Variants in HP1BP3 observed in about 807,000 individuals in gnomAD.
The protein encoded by HP1BP3 is heterochromatin protein 1 binding protein 3.
A neutral mutation model predicts 62.5 loss-of-function variants in HP1BP3; 12 were observed. The ratio of observed to expected loss-of-function variants is 0.19; its 90% CI spans 0.12 to 0.31. The LOEUF (loss-of-function observed/expected upper bound fraction) is 0.31, where lower values mean the gene tolerates loss of function less well. Ranked by LOEUF, HP1BP3 falls within the 10% of genes least tolerant of loss-of-function variation. The probability of loss-of-function intolerance (pLI) is 1.00; values close to 1 mark genes in which losing one functional copy is unlikely to be tolerated. For synonymous variants in HP1BP3, 260 were observed against 237.8 expected (o/e 1.09, Z -0.86); for missense variants, 502 against 651.8 (o/e 0.77, Z 2.50).
intron 8 of HP1BP3, among the ~76,000 whole-genome samples, chr1:20,759,524 G>C (rs2056334249): frequency 6.6e-6 from 1 of 152,212 alleles, no homozygotes; most frequent in South Asian, 2.1e-4. Context: ...TCTGTCATGT[G>C]AGGATACAAT....
At chr1:20,787,011 A>G (rs1220164746) in intron 1 of HP1BP3, among the ~76,000 whole-genome samples, 184 bp downstream of exon 1, 1 of 151,732 alleles carries the variant, frequency 6.6e-6, no homozygotes, top group African/African-American at 2.4e-5. Context: ...AGGAGAGAGG[A>G]AGGGAGCGGG....
chr1:20,768,844 C>G (rs12738072), intron 6 of HP1BP3, among the ~76,000 whole-genome samples: 4,256 of 152,168 alleles, frequency 0.028, 89 homozygotes, highest in Middle Eastern at 0.048. Flanking sequence ...AAAGTTGATT[C>G]ACAATAACTA....
At chr1:20,780,583 A>G (rs1376130174) in intron 1 of HP1BP3, 43 bp from the exon 2 acceptor site, 1 of 611,738 alleles carries the variant, frequency 1.6e-6, no homozygotes. Flanking sequence ...AACAGAAACA[A>G]AACTAAACTA....
At chr1:20,778,194 C>T (rs1298420869) in intron 3 of HP1BP3, among the ~76,000 whole-genome samples, 1 of 152,082 alleles carries the variant, frequency 6.6e-6, no homozygotes, top group Non-Finnish European at 1.5e-5. Context: ...AATAACTGCT[C>T]AAGAGTTATG....
rs780791061 is a variant in HP1BP3, at chr1:20,757,151, C to T, written c.981+15G>A. ...TAAGAAGCACTTCTCCACAACCAGG[C>T]CTCTGATCTCTAACCTGGAATGTCC... is the stretch of plus-strand genomic sequence containing the variant. On this transcript the variant is annotated intron_variant, in intron 9 of 12. Coordinates refer to ENST00000438032, the MANE Select transcript of HP1BP3 (RefSeq NM_001372052.1). 9 of 1,564,310 alleles carry T rather than the reference C, an allele frequency of 5.8e-6. No individual in the cohort carries two copies. The highest frequency in any genetic ancestry group is 1.4e-5 in the African/African-American group (1 of 73,446).
At chr1:20,767,340 A>G (rs1036411567) in intron 7 of HP1BP3, among the ~76,000 whole-genome samples, 7 of 152,222 alleles carry the variant, frequency 4.6e-5, no homozygotes, top group African/African-American at 1.7e-4. Flanking sequence ...TGTAATTTAT[A>G]TAGCTGCCCA....
In HP1BP3 at chr1:20,745,652, C is replaced by G; in HGVS notation, c.1258G>C (p.Gly420Arg). 6.2e-7 allele frequency: 1 copy of G among 1,613,532 alleles called. No individual in the cohort carries two copies. The highest frequency in any genetic ancestry group is 8.5e-7 in the Non-Finnish European group (1 of 1,179,792). The change falls in exon 12 of 13, where the codon GGA becomes CGA. Residue 420 changes from glycine to arginine, a missense_variant. Around this residue, in one of 5 missense-constraint regions of HP1BP3, gnomAD observed 194 missense variants for 207.0 expected, o/e 0.94. Coordinates refer to ENST00000438032, the MANE Select transcript of HP1BP3 (RefSeq NM_001372052.1). ...QLCFPYYPSPGVLFPKKEPDD... is the reference protein window; with the variant it reads ...QLCFPYYPSPRVLFPKKEPDD... ...GGCTCTTTCTTCGGAAACAGAACTC[C>G]TGGGCTATACGGGGAAAAATTAGAT...
chr1:20,776,552 T>G, intron 4 of HP1BP3, 45 bp downstream of exon 4: 1 of 1,539,462 alleles, frequency 6.5e-7, no homozygotes, highest in East Asian at 2.3e-5. Context: ...AAAGTCCTTT[T>G]ACACATTCTT....
intron 2 of HP1BP3, 55 bp downstream of exon 2, chr1:20,780,290 G>T: frequency 2.4e-6 from 3 of 1,261,950 alleles, no homozygotes; most frequent in Non-Finnish European, 2.3e-6. Context: ...ACCCAGCAGG[G>T]CCTGAAGTCA....
chr1:20,753,364 T>C (rs2055901178), intron 9 of HP1BP3, among the ~76,000 whole-genome samples: 1 of 152,210 alleles, frequency 6.6e-6, no homozygotes, highest in Admixed American at 6.5e-5. Context: ...AAAATAATAG[T>C]ATTTGTTGCC....
rs1032716639 is a variant in HP1BP3, at chr1:20,742,888, A to T, written c.*1909T>A. The stretch of plus-strand genomic sequence containing the variant: ...GGCTACAGAAGGGATCCCAGGAGAC[A>T]AAAGTGGAATGAATAAGAAACAAAC... On this transcript the variant is annotated 3_prime_UTR_variant, in exon 13 of 13. Coordinates refer to ENST00000438032, the MANE Select transcript of HP1BP3 (RefSeq NM_001372052.1). The T allele has an allele frequency of 2.6e-5, 4 of 152,658 alleles. No individual in the cohort carries two copies. Among genetic ancestry groups the T allele is most frequent in the African/African-American group, 9.6e-5 (4 of 41,456 alleles). The allele number at this position is 152,658 out of a possible 1,614,324, so 9.5% of individuals were successfully genotyped here.
chr1:20,755,408 C>CA (rs999715373), intron 9 of HP1BP3: 14 of 452,102 alleles, frequency 3.1e-5, no homozygotes, highest in African/African-American at 2.4e-4. Context: ...CCCATTTCTA[C>CA]AAAAAATACA....
chr1:20,768,806 T>TA (rs2056914960), intron 6 of HP1BP3, among the ~76,000 whole-genome samples: 1 of 151,882 alleles, frequency 6.6e-6, no homozygotes, highest in Non-Finnish European at 1.5e-5. Context: ...TGCCATTGTG[T>TA]AACAGAGCGA....
chr1:20,754,071 C>T (rs750383884), intron 9 of HP1BP3, among the ~76,000 whole-genome samples: 2 of 152,130 alleles, frequency 1.3e-5, no homozygotes, highest in East Asian at 1.9e-4. Context: ...AAGTAAAATG[C>T]TCTTTATTTG....
intron 1 of HP1BP3, among the ~76,000 whole-genome samples, chr1:20,782,233 T>G (rs2057587858): frequency 6.6e-6 from 1 of 151,852 alleles, no homozygotes; most frequent in African/African-American, 2.4e-5. Context: ...AAGCTAGAAA[T>G]TCAAAACTAG....
Position 20,744,713 on chromosome 1 carries a change from A to C in HP1BP3, c.*84T>G, listed in dbSNP as rs917007769. The C allele has an allele frequency of 4.8e-6, 6 of 1,245,130 alleles. No individual in the cohort carries two copies. Among genetic ancestry groups the C allele is most frequent in the Non-Finnish European group, 6.7e-6 (6 of 897,326 alleles). The allele number at this position is 1,245,130 out of a possible 1,614,324, so 77.1% of individuals were successfully genotyped here. A position where few individuals can be genotyped will look rare whatever the true frequency, so the allele number is the denominator to read the frequency against. On this transcript the variant is annotated 3_prime_UTR_variant, in exon 13 of 13. Coordinates refer to ENST00000438032, the MANE Select transcript of HP1BP3 (RefSeq NM_001372052.1). The stretch of plus-strand genomic sequence containing the variant: ...GGGGAGGAAAATAATGTAATTTGAA[A>C]AGCATCAAAACTAAACAAATGCACA...
At chr1:20,765,799 C>G (rs2056752341) in intron 7 of HP1BP3, among the ~76,000 whole-genome samples, 1 of 148,740 alleles carries the variant, frequency 6.7e-6, no homozygotes, top group Non-Finnish European at 1.5e-5. Context: ...TGCAAAACCT[C>G]CTCTCTACTA....
chr1:20,757,460 T>C (rs1355216143), intron 8 of HP1BP3, among the ~76,000 whole-genome samples: 2 of 151,482 alleles, frequency 1.3e-5, no homozygotes, highest in East Asian at 3.9e-4. Flanking sequence ...CAACCTTCAC[T>C]TCCCAGGTTC....
At chr1:20,756,054 A>G (rs1470145330) in intron 9 of HP1BP3, among the ~76,000 whole-genome samples, 1 of 152,210 alleles carries the variant, frequency 6.6e-6, no homozygotes, top group Non-Finnish European at 1.5e-5. Flanking sequence ...GAAATGTCCG[A>G]AAATTGGACT....
Sources: gnomAD v4.1 joint callset for allele counts (sites outside exome capture counted in the v4.1 genomes callset) on GRCh38, gnomAD v4.1.1 for gene constraint, gnomAD v4.1.1 regional missense constraint, MANE v1.5 for transcripts, NCBI Gene and HGNC (gene_info 2026-07-23, HGNC 2026-07-21) for gene names.